DDX60: variants seen among roughly 807,000 people sequenced by gnomAD.
DDX60 encodes probable ATP-dependent RNA helicase DDX60.
DDX60 carries 165 observed loss-of-function variants against 212.8 expected under a neutral mutation model. The ratio of observed to expected loss-of-function variants is 0.78; its 90% CI spans 0.68 to 0.88. The LOEUF (loss-of-function observed/expected upper bound fraction) is 0.88. Among genes scored for constraint, DDX60 ranks in the 40% least tolerant of loss-of-function variants. The pLI, the probability that DDX60 is intolerant of heterozygous loss-of-function variation, is 0.00. For missense variants in DDX60, 1,905 were observed against 2,003.9 expected (o/e 0.95, Z 0.94); for synonymous variants, 703 against 685.3 (o/e 1.03, Z -0.40).
intron 25 of DDX60, among the ~76,000 whole-genome samples, chr4:168,258,438 AT>A (rs56799126): frequency 0.42 from 62,468 of 150,328 alleles, 13,409 homozygotes; most frequent in African/African-American, 0.55. Context: ...TGCTCCATGT[AT>A]TTTTTTTTTA....
At chr4:168,284,449 G>T (rs1217434733) in intron 12 of DDX60, among the ~76,000 whole-genome samples, 1 of 152,206 alleles carries the variant, frequency 6.6e-6, no homozygotes, top group Non-Finnish European at 1.5e-5. Context: ...CATGAAGGCA[G>T]ATAGAATGCT....
In DDX60 at chr4:168,248,250, G is replaced by A. The variant is rs1427216877; in HGVS notation, c.3901C>T (p.Pro1301Ser). 2 of 1,609,952 alleles carry A rather than the reference G, an allele frequency of 1.2e-6. No homozygotes were observed. Among genetic ancestry groups the A allele is most frequent in the Non-Finnish European group, 1.7e-6 (2 of 1,178,460 alleles). Residue 1301 changes from proline (P) to serine (S), a missense_variant, in exon 29 of 38, where the codon CCT becomes TCT. Transcript: ENST00000393743. Reference sequence around the variant, plus strand: ...TGAGCAAAAACCACAGATTTACAAGGCATGTTGACACCTAAAGCAAGTGTT... The same window carrying A: ...TGAGCAAAAACCACAGATTTACAAGACATGTTGACACCTAAAGCAAGTGTT... ...TGTLALGVNMPCKSVVFAQNS... is the reference protein window; with the variant it reads ...TGTLALGVNMSCKSVVFAQNS...
upstream of DDX60, chr4:168,318,774 T>C (rs1445147002): frequency 6.6e-6 from 1 of 152,268 alleles, no homozygotes; most frequent in African/African-American, 2.4e-5. Flanking sequence ...CCGCAGCCAG[T>C]CTTTTATGCA....
intron 1 of DDX60, 147 bp downstream of exon 1, chr4:168,318,475 G>A (rs903431829): frequency 2.6e-5 from 4 of 152,468 alleles, no homozygotes; most frequent in African/African-American, 9.6e-5. Flanking sequence ...CCACGGCCTT[G>A]CGATCCCAGG....
intron 30 of DDX60, among the ~76,000 whole-genome samples, chr4:168,245,223 GAATA>G (rs1361196110): frequency 6.6e-6 from 1 of 151,932 alleles, no homozygotes; most frequent in Non-Finnish European, 1.5e-5. Context: ...ATTTGAAATA[GAATA>G]AAGAAAAAGA....
rs369930154 is a variant in DDX60, at chr4:168,224,398, G to T, written c.4682-13C>A. The T allele has an allele frequency of 4.3e-6, 7 of 1,609,730 alleles. No homozygotes were observed. In the African/African-American group the frequency reaches 9.4e-5, roughly 22 times the overall value. ...TTACCTGTGAATTCTGACAATAATA[G>T]TTAGGGATAGATTAGTGTTTTGAAC... is the stretch of plus-strand genomic sequence containing the variant. On this transcript the variant is annotated splice_polypyrimidine_tract_variant and intron_variant, in intron 34 of 37. Transcript: ENST00000393743.
chr4:168,308,949 A>C (rs753411900), intron 3 of DDX60, among the ~76,000 whole-genome samples: 1 of 152,152 alleles, frequency 6.6e-6, no homozygotes, highest in African/African-American at 2.4e-5. Context: ...ATATACACAG[A>C]TCTATTGTAA....
chr4:168,277,681 C>T (rs547686807), intron 14 of DDX60, among the ~76,000 whole-genome samples: 11 of 151,644 alleles, frequency 7.3e-5, no homozygotes, highest in Admixed American at 3.9e-4. Flanking sequence ...CGGTGGTGGG[C>T]GCCTGTAGTC....
chr4:168,260,886 T>G lies in DDX60; in HGVS notation c.3377A>C (p.Lys1126Thr), dbSNP rs1213036853. Reference sequence around the variant, plus strand: ...TTACAAAAAAAATAGTGCAGGTAACTTCTCCATTTTCCTTAGTTTTTCAAC... The same window carrying G: ...TTACAAAAAAAATAGTGCAGGTAACGTCTCCATTTTCCTTAGTTTTTCAAC... ...LLVEKLRKME[K>T]LPALFFLFKL... The change falls in exon 25 of 38, where the codon AAG (lysine) becomes ACG (threonine). Residue 1126 changes from lysine (K) to threonine (T), a missense_variant. Lys to Thr is a moderately conservative substitution (Grantham distance 78, BLOSUM62 -1). Coordinates refer to ENST00000393743, the MANE Select transcript of DDX60 (RefSeq NM_017631.6). The G allele has an allele frequency of 3.1e-6, 5 of 1,604,928 alleles. No individual in the cohort carries two copies. In the South Asian group the frequency reaches 4.5e-5, roughly 14 times the overall value.
chr4:168,301,659 C>T (rs1736652208), intron 6 of DDX60, among the ~76,000 whole-genome samples: 1 of 152,128 alleles, frequency 6.6e-6, no homozygotes, highest in Non-Finnish European at 1.5e-5. Flanking sequence ...AAATAAAAGT[C>T]ACCATTAGGC....
At chr4:168,240,316 C>G (rs1485154901) in intron 30 of DDX60, among the ~76,000 whole-genome samples, 1 of 151,968 alleles carries the variant, frequency 6.6e-6, no homozygotes, top group Non-Finnish European at 1.5e-5. Context: ...TCAAGGATAT[C>G]AGAGAGGACA....
chr4:168,258,220 CTT>C (rs2149509771), intron 25 of DDX60, among the ~76,000 whole-genome samples: 1 of 152,310 alleles, frequency 6.6e-6, no homozygotes, highest in South Asian at 2.1e-4. Context: ...GCTTTCATAA[CTT>C]ATGTTTATTT....
chr4:168,273,145 A>G, intron 18 of DDX60, 134 bp downstream of exon 18: 1 of 941,708 alleles, frequency 1.1e-6, no homozygotes, highest in Non-Finnish European at 1.5e-6. Context: ...ATTTTTTCTA[A>G]AAGTATTTTG....
At chr4:168,261,179 C>T (rs1734610121) in intron 24 of DDX60, among the ~76,000 whole-genome samples, 190 bp from the exon 25 acceptor site, 1 of 151,940 alleles carries the variant, frequency 6.6e-6, no homozygotes, top group African/African-American at 2.4e-5. Context: ...CACTAGAGAA[C>T]AAAAATTTGG....
intron 13 of DDX60, 64 bp downstream of exon 13, chr4:168,283,382 C>A: frequency 1.4e-6 from 2 of 1,418,344 alleles, no homozygotes; most frequent in Non-Finnish European, 2.0e-6. Flanking sequence ...AAAGGGATAA[C>A]ACATATCAAC....
chr4:168,276,603 T>G (rs1158053200), intron 14 of DDX60, among the ~76,000 whole-genome samples: 2 of 152,220 alleles, frequency 1.3e-5, no homozygotes, highest in African/African-American at 4.8e-5. Context: ...AAGTATTTGG[T>G]GTACTCATTG....
intron 30 of DDX60, 35 bp from the exon 31 acceptor site, chr4:168,237,830 T>C (rs1222119731): frequency 1.7e-5 from 25 of 1,471,736 alleles, no homozygotes; most frequent in African/African-American, 2.8e-5. Flanking sequence ...ACACACAATG[T>C]TAAGTGTTAC....
chr4:168,246,766 A>C lies in DDX60; in HGVS notation c.3964-148T>G, dbSNP rs919591110. 6 of 783,400 alleles carry C rather than the reference A, an allele frequency of 7.7e-6. No homozygotes were observed. The Admixed American group carries it at 1.4e-4, about 19-fold the overall frequency. 48.5% of individuals were successfully genotyped at this position (783,400 alleles called of 1,614,324 possible). On this transcript the variant is annotated intron_variant, in intron 29 of 37. Transcript: ENST00000393743. ...AACGGACACTAACATGCAACTACATAGTGCTTAGGAAATTTGCCATGACTG... is the reference window on the plus strand; with the variant it reads ...AACGGACACTAACATGCAACTACATCGTGCTTAGGAAATTTGCCATGACTG...
At chr4:168,282,506 G>A (rs1201843041) in intron 13 of DDX60, among the ~76,000 whole-genome samples, 3 of 152,000 alleles carry the variant, frequency 2.0e-5, no homozygotes, top group Admixed American at 6.6e-5. Flanking sequence ...ACTTCACCAC[G>A]TTTATTTCAA....
Sources: allele counts gnomAD v4.1 joint callset (sites outside exome capture counted in the v4.1 genomes callset), GRCh38; gene constraint gnomAD v4.1.1; transcripts MANE v1.5; gene names NCBI Gene and HGNC (gene_info 2026-07-23, HGNC 2026-07-21).